Variants in C18orf63 observed in about 807,000 individuals in gnomAD.
C18orf63 encodes chromosome 18 open reading frame 63, also known as uncharacterized protein C18orf63.
C18orf63 carries 50 observed loss-of-function variants against 75.3 expected under a neutral mutation model. The observed-to-expected ratio is 0.66, with a 90% confidence interval of 0.53 to 0.84. The LOEUF (loss-of-function observed/expected upper bound fraction) is 0.84, where lower values mean the gene tolerates loss of function less well. C18orf63 is among the 40% of genes least tolerant of loss of function. The pLI, the probability that C18orf63 is intolerant of heterozygous loss-of-function variation, is 0.00. For missense variants in C18orf63, 732 were observed against 800.2 expected (o/e 0.91, Z 1.03); for synonymous variants, 232 against 267.6 (o/e 0.87, Z 1.30).
At chr18:74,335,463 G>T (rs910814665) in intron 7 of C18orf63, among the ~76,000 whole-genome samples, 5 of 151,958 alleles carry the variant, frequency 3.3e-5, no homozygotes, top group African/African-American at 1.2e-4. Context: ...TCAAATTTTG[G>T]ACTGTGCTAA....
chr18:74,356,566 G>A lies in C18orf63; in HGVS notation c.*119G>A, dbSNP rs1033873578. 6.6e-6 allele frequency: 1 copy of A among 152,598 alleles called. No individual in the cohort carries two copies. Among genetic ancestry groups the A allele is most frequent in the African/African-American group, 2.4e-5 (1 of 41,438 alleles). 9.5% of individuals were successfully genotyped at this position (152,598 alleles called of 1,614,324 possible). A position where few individuals can be genotyped will look rare whatever the true frequency, so the allele number is the denominator to read the frequency against. On this transcript the variant is annotated 3_prime_UTR_variant, in exon 14 of 14. Transcript: ENST00000579455. ...CATGAAATCAGCTCTACTTACTGCT[G>A]TGGAACCTCCTTTTTCACTTGACAG...
intron 7 of C18orf63, among the ~76,000 whole-genome samples, chr18:74,332,988 A>G (rs1984334805): frequency 6.6e-6 from 1 of 152,170 alleles, no homozygotes; most frequent in Non-Finnish European, 1.5e-5. Context: ...ATAAATAGAG[A>G]TCAGAATGTC....
At chr18:74,355,548 A>C (rs1984750576) in intron 13 of C18orf63, among the ~76,000 whole-genome samples, 1 of 152,170 alleles carries the variant, frequency 6.6e-6, no homozygotes, top group Non-Finnish European at 1.5e-5. Flanking sequence ...TGGGAGGCTG[A>C]GGCAGGCAGA....
intron 8 of C18orf63, 126 bp downstream of exon 8, chr18:74,338,950 T>C: frequency 7.5e-6 from 3 of 400,352 alleles, no homozygotes; most frequent in Non-Finnish European, 8.8e-6. Context: ...TACTGAATTA[T>C]GACTTCACAA....
chr18:74,329,074 T>A, intron 6 of C18orf63, 38 bp downstream of exon 6: 1 of 1,257,642 alleles, frequency 8.0e-7, no homozygotes, highest in Non-Finnish European at 1.1e-6. Context: ...TAAAACAATA[T>A]AATTCATAGT....
At chr18:74,342,601 G>T (rs1215135523) in intron 10 of C18orf63, among the ~76,000 whole-genome samples, 1 of 152,082 alleles carries the variant, frequency 6.6e-6, no homozygotes, top group Non-Finnish European at 1.5e-5. Context: ...TAGAAAGTAA[G>T]AAAGCAATCA....
chr18:74,331,563 T>C (rs1007223067), intron 7 of C18orf63, among the ~76,000 whole-genome samples: 1 of 152,162 alleles, frequency 6.6e-6, no homozygotes, highest in Non-Finnish European at 1.5e-5. Context: ...GAGACAATTT[T>C]GGTTATCACA....
rs1984792758 is a variant in C18orf63, at chr18:74,357,733, T to A, written c.*1286T>A. 1 of 152,200 alleles carries A rather than the reference T, an allele frequency of 6.6e-6. No individual in the cohort carries two copies. Among genetic ancestry groups the A allele is most frequent in the Admixed American group, 6.5e-5 (1 of 15,282 alleles). 9.4% of individuals were successfully genotyped at this position (152,200 alleles called of 1,614,324 possible). Reference sequence around the variant, plus strand: ...CTCCTGCTCCTGAAATTGTGTTTAGTTAATTAATTTGCTATATACCTTTAT... The same window carrying A: ...CTCCTGCTCCTGAAATTGTGTTTAGATAATTAATTTGCTATATACCTTTAT... On this transcript the variant is annotated 3_prime_UTR_variant, in exon 14 of 14. Coordinates refer to ENST00000579455, the MANE Select transcript of C18orf63 (RefSeq NM_001174123.2).
intron 11 of C18orf63, among the ~76,000 whole-genome samples, chr18:74,351,657 T>C (rs549128184): frequency 6.6e-6 from 1 of 152,344 alleles, no homozygotes; most frequent in South Asian, 2.1e-4. Flanking sequence ...GATGATAACA[T>C]AATTATTATT....
intron 10 of C18orf63, among the ~76,000 whole-genome samples, chr18:74,342,618 T>C (rs567086165): frequency 6.6e-6 from 1 of 152,178 alleles, no homozygotes; most frequent in African/African-American, 2.4e-5. Flanking sequence ...ATCATGATTC[T>C]CCTTAGCCAA....
intron 7 of C18orf63, among the ~76,000 whole-genome samples, chr18:74,334,675 G>A (rs577649077): frequency 1.3e-5 from 2 of 152,154 alleles, no homozygotes; most frequent in East Asian, 1.9e-4. Context: ...AGGATGAAGA[G>A]GTGAGAAGGA....
chr18:74,319,503 GT>G (rs1984083480), intron 2 of C18orf63, among the ~76,000 whole-genome samples: 1 of 152,076 alleles, frequency 6.6e-6, no homozygotes, highest in Non-Finnish European at 1.5e-5. Context: ...TTCTTTTTGT[GT>G]TTTTCCTATC....
At chr18:74,338,852 G>A (rs887792550) in intron 8 of C18orf63, 28 bp downstream of exon 8, 2 of 1,026,628 alleles carry the variant, frequency 1.9e-6, no homozygotes, top group Non-Finnish European at 2.7e-6. Context: ...AATATCTAGG[G>A]TGGGTTCAAA....
intron 11 of C18orf63, among the ~76,000 whole-genome samples, chr18:74,348,437 G>T (rs535922181): frequency 6.6e-6 from 1 of 152,128 alleles, no homozygotes; most frequent in East Asian, 1.9e-4. Context: ...AATTTTGATC[G>T]ATAAAACACT....
In C18orf63 at chr18:74,328,613, G is replaced by A. The variant is rs912189275; in HGVS notation, c.383-382G>A. Among the ~76,000 whole-genome samples, 3 of 152,100 alleles carry A rather than the reference G, an allele frequency of 2.0e-5. No homozygotes were observed. In the East Asian group the frequency reaches 5.8e-4, roughly 29 times the overall value. ...TTGGGATTATATACAGAGGCCTGAT[G>A]TTTCTTTAAAAAAATCAGTATGTAA... is the stretch of plus-strand genomic sequence containing the variant. On this transcript the variant is annotated intron_variant, in intron 5 of 13. Transcript: ENST00000579455.
intron 10 of C18orf63, 35 bp downstream of exon 10, chr18:74,342,361 C>T (rs1984503695): frequency 8.1e-7 from 1 of 1,239,450 alleles, no homozygotes; most frequent in African/African-American, 1.5e-5. Context: ...CAGATGCTGT[C>T]TGCCCACCTT....
At chr18:74,354,315 T>G in intron 12 of C18orf63, 47 bp downstream of exon 12, 2 of 1,399,772 alleles carry the variant, frequency 1.4e-6, no homozygotes, top group Non-Finnish European at 1.9e-6. Flanking sequence ...GCTAGACCCT[T>G]AAAACCCCTA....
intron 8 of C18orf63, among the ~76,000 whole-genome samples, chr18:74,339,815 T>C (rs1984450226): frequency 6.6e-6 from 1 of 152,092 alleles, no homozygotes. Flanking sequence ...CAAAATCACA[T>C]AAAAAAGTAG....
chr18:74,343,047 T>C, intron 10 of C18orf63, among the ~76,000 whole-genome samples: 1 of 152,190 alleles, frequency 6.6e-6, no homozygotes, highest in Non-Finnish European at 1.5e-5. Flanking sequence ...AACATGTTAT[T>C]CAAAATCTAC....
Sources: allele counts gnomAD v4.1 joint callset (sites outside exome capture counted in the v4.1 genomes callset), GRCh38; gene constraint gnomAD v4.1.1; transcripts MANE v1.5; gene names NCBI Gene and HGNC (gene_info 2026-07-23, HGNC 2026-07-21).